AKAP6: variants seen among roughly 807,000 people sequenced by gnomAD.
AKAP6 encodes A-kinase anchoring protein 6.
In AKAP6, 58 loss-of-function variants were observed where a neutral mutation model predicts 188.5. That is an observed-to-expected ratio of 0.31 (90% CI 0.25 to 0.38). The LOEUF (loss-of-function observed/expected upper bound fraction) is 0.38, where lower values mean the gene tolerates loss of function less well. AKAP6 is among the 10% of genes least tolerant of loss of function. The pLI is 1.00. For synonymous variants in AKAP6, 989 were observed against 998.6 expected, an observed-to-expected ratio of 0.99 and a Z score of 0.18; for missense variants, 2,710 against 2,740.0, an observed-to-expected ratio of 0.99 and a Z score of 0.24.
chr14:32,467,222 C>A (rs9972238), intron 2 of AKAP6, among the ~76,000 whole-genome samples: 54,759 of 93,598 alleles, frequency 0.59, 14,667 homozygotes, highest in African/African-American at 0.8. Flanking sequence ...GAAAAAAAAA[C>A]AAAAACAAAA....
At chr14:32,736,078 A>G (rs1372379687) in intron 11 of AKAP6, among the ~76,000 whole-genome samples, 196 bp downstream of exon 11, 1 of 152,188 alleles carries the variant, frequency 6.6e-6, no homozygotes, top group East Asian at 1.9e-4. Context: ...CATATCACAT[A>G]TACATTGTAG....
intron 1 of AKAP6, among the ~76,000 whole-genome samples, chr14:32,400,563 C>CAAAAAACAAAAAAAAA (rs759383223): frequency 1.4e-5 from 1 of 73,984 alleles, no homozygotes; most frequent in Non-Finnish European, 2.3e-5. Flanking sequence ...CCACTTTTAG[C>CAAAAAACAAAAAAAAA]AAAAAAAAAA....
intron 12 of AKAP6, among the ~76,000 whole-genome samples, chr14:32,819,232 A>G (rs1566733444): frequency 1.3e-5 from 2 of 152,264 alleles, no homozygotes; most frequent in East Asian, 1.9e-4. Flanking sequence ...TTGTAACTGG[A>G]CTCTTAAACT....
intron 2 of AKAP6, among the ~76,000 whole-genome samples, chr14:32,452,398 A>C (rs918931261): frequency 1.3e-5 from 2 of 152,068 alleles, no homozygotes; most frequent in East Asian, 3.9e-4. Flanking sequence ...ATATTTTCCT[A>C]GTCTCCTATT....
At chr14:32,396,468 G>T (rs10145175) in intron 1 of AKAP6, among the ~76,000 whole-genome samples, 2,552 of 152,254 alleles carry the variant, frequency 0.017, 72 homozygotes, top group African/African-American at 0.058. Context: ...TGCCTCTGCA[G>T]GTGGACTCCA....
chr14:32,679,420 AT>A (rs1370360526), intron 8 of AKAP6, among the ~76,000 whole-genome samples: 1 of 152,194 alleles, frequency 6.6e-6, no homozygotes, highest in African/African-American at 2.4e-5. Context: ...CCAAAGTTAC[AT>A]TACATGTTAA....
chr14:32,611,159 A>G (rs1437775238), intron 7 of AKAP6, among the ~76,000 whole-genome samples: 2 of 152,162 alleles, frequency 1.3e-5, no homozygotes, highest in African/African-American at 4.8e-5. Flanking sequence ...GCCTGAGGGA[A>G]GGGTTAACGA....
intron 11 of AKAP6, among the ~76,000 whole-genome samples, chr14:32,746,972 A>G (rs2031938269): frequency 6.6e-6 from 1 of 152,224 alleles, no homozygotes; most frequent in Non-Finnish European, 1.5e-5. Flanking sequence ...AATGTGCACC[A>G]TTGACAAGTA....
At chr14:32,765,374 CACTGAT>C (rs1192981201) in intron 11 of AKAP6, among the ~76,000 whole-genome samples, 3 of 152,230 alleles carry the variant, frequency 2.0e-5, no homozygotes, top group Non-Finnish European at 2.9e-5. Context: ...CTCATTTTTG[CACTGAT>C]ACTAACACCA....
intron 12 of AKAP6, among the ~76,000 whole-genome samples, chr14:32,793,474 A>G (rs1424377316): frequency 6.6e-6 from 1 of 152,282 alleles, no homozygotes; most frequent in Non-Finnish European, 1.5e-5. Flanking sequence ...AAAAAAAGCT[A>G]ACTATCCTAA....
At chr14:32,616,295 A>C (rs758995798) in intron 7 of AKAP6, among the ~76,000 whole-genome samples, 1 of 152,220 alleles carries the variant, frequency 6.6e-6, no homozygotes, top group Non-Finnish European at 1.5e-5. Flanking sequence ...ATAAAGACAC[A>C]TGCATGTGTA....
chr14:32,804,065 C>G (rs1159714375), intron 12 of AKAP6, among the ~76,000 whole-genome samples: 1 of 152,178 alleles, frequency 6.6e-6, no homozygotes, highest in Admixed American at 6.5e-5. Flanking sequence ...ACCAGAATCT[C>G]TCATAAATGA....
At chr14:32,346,613 A>G (rs1594524069) in intron 1 of AKAP6, among the ~76,000 whole-genome samples, 1 of 152,174 alleles carries the variant, frequency 6.6e-6, no homozygotes, top group East Asian at 1.9e-4. Context: ...GGTTCACGCC[A>G]TTCTCCTGCC....
At chr14:32,722,246 A>G (rs1167883743) in intron 9 of AKAP6, among the ~76,000 whole-genome samples, 2 of 152,020 alleles carry the variant, frequency 1.3e-5, no homozygotes, top group Non-Finnish European at 2.9e-5. Flanking sequence ...CATTTAATAC[A>G]TTGTCTAGGT....
intron 7 of AKAP6, among the ~76,000 whole-genome samples, chr14:32,613,441 T>G (rs998589819): frequency 3.9e-5 from 6 of 152,218 alleles, no homozygotes; most frequent in Admixed American, 3.9e-4. Flanking sequence ...CTTCTGAAGT[T>G]TATTCATAAC....
chr14:32,541,783 G>C (rs1882966811), intron 3 of AKAP6, among the ~76,000 whole-genome samples: 1 of 152,172 alleles, frequency 6.6e-6, no homozygotes, highest in Non-Finnish European at 1.5e-5. Flanking sequence ...ACCTGCTTTT[G>C]AATTGGGAAT....
intron 3 of AKAP6, among the ~76,000 whole-genome samples, chr14:32,544,588 C>A (rs887592143): frequency 7.2e-5 from 11 of 152,066 alleles, no homozygotes; most frequent in Non-Finnish European, 1.5e-4. Flanking sequence ...GAGGGAGGAG[C>A]TGATGCTATC....
Position 32,823,625 on chromosome 14 carries a change from C to A in AKAP6, c.5812C>A (p.Leu1938Ile). The A allele has an allele frequency of 6.2e-7, 1 of 1,613,756 alleles. No individual in the cohort carries two copies. Among genetic ancestry groups the A allele is most frequent in the Non-Finnish European group, 8.5e-7 (1 of 1,179,902 alleles). Residue 1938 changes from leucine to isoleucine, a missense_variant, in exon 13 of 14, where the codon CTT (leucine) becomes ATT (isoleucine). By Grantham distance (5) the Leu-to-Ile change is conservative (BLOSUM62 2). This residue lies in a region of AKAP6 where 2,473 missense variants were observed against 2,426.1 expected (regional missense o/e 1.02). Transcript: ENST00000280979. ...SESEHCKCKA[L>I]MDSLDDSNTA... ...GAGTGAGCATTGTAAGTGTAAAGCA[C>A]TTATGGATAGTTTAGATGATTCAAA...
chr14:32,468,709 C>T (rs1264428375), intron 2 of AKAP6, among the ~76,000 whole-genome samples: 1 of 152,050 alleles, frequency 6.6e-6, no homozygotes, highest in Admixed American at 6.6e-5. Context: ...CATTCTTTCT[C>T]CCAGGTACTC....
Sources: allele counts gnomAD v4.1 joint callset (sites outside exome capture counted in the v4.1 genomes callset), GRCh38; gene constraint gnomAD v4.1.1; regional missense constraint gnomAD v4.1.1; transcripts MANE v1.5; gene names NCBI Gene and HGNC (gene_info 2026-07-23, HGNC 2026-07-21).